Variants in NAP1L1 observed in about 807,000 individuals in gnomAD.
NAP1L1 encodes the protein nucleosome assembly protein 1 like 1, also known as nucleosome assembly protein 1-like 1.
Under a neutral mutation model 58.9 loss-of-function variants are expected in NAP1L1, and 9 were observed. That is an observed-to-expected ratio of 0.15 (90% confidence interval 0.09 to 0.27). NAP1L1 has a LOEUF of 0.27. Among genes scored for constraint, NAP1L1 ranks in the 10% least tolerant of loss-of-function variants. The probability of loss-of-function intolerance (pLI) is 1.00; values close to 1 mark genes in which losing one functional copy is unlikely to be tolerated. For synonymous variants in NAP1L1, 130 were observed against 138.3 expected (o/e 0.94, Z 0.42); for missense variants, 302 against 458.8 (o/e 0.66, Z 3.12).
At chr12:76,052,611 A>G (rs1289450282) in intron 11 of NAP1L1, among the ~76,000 whole-genome samples, 1 of 152,228 alleles carries the variant, frequency 6.6e-6, no homozygotes, top group Non-Finnish European at 1.5e-5. Context: ...CCTTGTGTGT[A>G]TAGACTTTCT....
At position 76,073,906 on chromosome 12, in the gene NAP1L1, T is replaced by C. The variant is rs145266277; in HGVS notation, c.17+297A>G. 1.4e-3 allele frequency: 400 copies of C among 279,284 alleles called. 1 individual carries two copies. Among genetic ancestry groups the C allele is most frequent in the African/African-American group, 8.1e-3 (368 of 45,262 alleles). 17.3% of individuals were successfully genotyped at this position (279,284 alleles called of 1,614,324 possible). A position where few individuals can be genotyped will look rare whatever the true frequency, so the allele number is the denominator to read the frequency against. ...AAGCAGTAAATCTTTGGGAAATATA[T>C]ACAATAAAAATGAATTCTGCAAGTA... On this transcript the variant is annotated intron_variant, in intron 2 of 14. Coordinates refer to ENST00000618691, the MANE Select transcript of NAP1L1 (RefSeq NM_004537.7).
At chr12:76,052,854 G>A (rs892688713) in intron 11 of NAP1L1, among the ~76,000 whole-genome samples, 1 of 152,090 alleles carries the variant, frequency 6.6e-6, no homozygotes, top group African/African-American at 2.4e-5. Context: ...ATCCCTCACA[G>A]CAATATGTGA....
intron 1 of NAP1L1, 129 bp from the exon 2 acceptor site, chr12:76,074,368 C>T: frequency 7.5e-7 from 1 of 1,339,554 alleles, no homozygotes; most frequent in South Asian, 2.1e-5. Flanking sequence ...CTTTAAAATA[C>T]TATCAGTGTT....
intron 6 of NAP1L1, chr12:76,056,712 C>T (rs1174791078): frequency 1.4e-5 from 6 of 443,434 alleles, no homozygotes; most frequent in African/African-American, 1.0e-4. Context: ...TATAATGAAT[C>T]TACAAACTAA....
Position 76,036,796 on chromosome 12 carries a change from G to A in NAP1L1, c.*11633C>T, listed in dbSNP as rs955756898. On this transcript the variant is annotated 3_prime_UTR_variant, in exon 15 of 15. Coordinates refer to ENST00000618691, the MANE Select transcript of NAP1L1 (RefSeq NM_004537.7). ...AGGGTATAAAAGATAACCAAGGCTG[G>A]GCGCGGTGGCTCACGCCTGTAATCC... The A allele has an allele frequency of 1.3e-5, 2 of 152,178 alleles. No individual in the cohort carries two copies. The highest frequency in any genetic ancestry group is 2.9e-5 in the Non-Finnish European group (2 of 68,040). The allele number at this position is 152,178 out of a possible 1,614,324, so 9.4% of individuals were successfully genotyped here.
rs1310849322 is a variant in NAP1L1 at position 76,057,923 on chromosome 12, A to C, written c.430-1762T>G. On this transcript the variant is annotated intron_variant, in intron 6 of 14. Transcript: ENST00000618691. ...TCCCAGAGCAAAGAAATATGTGACA[A>C]GGGTTGTGGCCTTGTAACTTTTGAA... is the stretch of plus-strand genomic sequence containing the variant. The C allele has an allele frequency of 8.7e-6, 10 of 1,152,254 alleles. No individual in the cohort carries two copies. The African/African-American group carries it at 1.1e-4, about 12-fold the overall frequency. 71.4% of individuals were successfully genotyped at this position (1,152,254 alleles called of 1,614,324 possible). A position where few individuals can be genotyped will look rare whatever the true frequency, so the allele number is the denominator to read the frequency against.
chr12:76,055,552 G>A (rs1005801052), intron 7 of NAP1L1, among the ~76,000 whole-genome samples: 4 of 152,204 alleles, frequency 2.6e-5, no homozygotes, highest in Non-Finnish European at 5.9e-5. Flanking sequence ...CTACTACAAT[G>A]TAGACGGTAG....
intron 2 of NAP1L1, 170 bp downstream of exon 2, chr12:76,074,033 C>A (rs986871786): frequency 2.3e-5 from 13 of 563,448 alleles, no homozygotes; most frequent in Admixed American, 1.5e-4. Context: ...TGCTAATGAT[C>A]ATATATTCTA....
At chr12:76,052,266 C>CA (rs546950800) in intron 11 of NAP1L1, among the ~76,000 whole-genome samples, 21 of 150,596 alleles carry the variant, frequency 1.4e-4, no homozygotes, top group East Asian at 3.9e-4. Context: ...AACAAACAAA[C>CA]AAAAAAAAAC....
In NAP1L1 at chr12:76,074,239, T is replaced by C. The variant is rs2137085256; in HGVS notation, c.-20A>G. On this transcript the variant is annotated splice_region_variant and 5_prime_UTR_variant, in exon 2 of 15. Coordinates refer to ENST00000618691, the MANE Select transcript of NAP1L1 (RefSeq NM_004537.7). Reference sequence around the variant, plus strand: ...TGCCATGTTGTAAGAACTCCAAATATCTATGGAGAGAAACATCAATGTTAA... The same window carrying C: ...TGCCATGTTGTAAGAACTCCAAATACCTATGGAGAGAAACATCAATGTTAA... 3 of 1,578,678 alleles carry C rather than the reference T, an allele frequency of 1.9e-6. No homozygotes were observed. Among genetic ancestry groups the C allele is most frequent in the African/African-American group, 1.4e-5 (1 of 72,786 alleles).
intron 7 of NAP1L1, 62 bp downstream of exon 7, chr12:76,055,971 G>T: frequency 6.5e-7 from 1 of 1,529,338 alleles, no homozygotes; most frequent in Non-Finnish European, 9.0e-7. Flanking sequence ...AGTGATCACA[G>T]CCATTTAAAC....
intron 3 of NAP1L1, 133 bp downstream of exon 3, chr12:76,068,776 A>T (rs1339162116): frequency 1.6e-6 from 1 of 639,976 alleles, no homozygotes; most frequent in Admixed American, 2.5e-5. Flanking sequence ...ACACACACAC[A>T]CACTAGAAGT....
At chr12:76,048,910 A>C in intron 14 of NAP1L1, 1 of 459,122 alleles carries the variant, frequency 2.2e-6, no homozygotes, top group Non-Finnish European at 3.8e-6. Context: ...TTATTTTCTA[A>C]TGCTTAAAAA....
chr12:76,069,806 A>AT (rs1949860581), intron 2 of NAP1L1, among the ~76,000 whole-genome samples: 1 of 151,954 alleles, frequency 6.6e-6, no homozygotes, highest in African/African-American at 2.4e-5. Flanking sequence ...ATAAGATAGC[A>AT]TCCTTCCCAT....
At chr12:76,055,213 G>A (rs1194910642) in intron 7 of NAP1L1, 123 bp from the exon 8 acceptor site, 3 of 593,460 alleles carry the variant, frequency 5.1e-6, no homozygotes, top group Admixed American at 3.4e-5. Flanking sequence ...TAGCAATTAT[G>A]AACCTTAAGA....
At chr12:76,049,351 A>G in intron 13 of NAP1L1, 101 bp from the exon 14 acceptor site, 1 of 1,592,488 alleles carries the variant, frequency 6.3e-7, no homozygotes, top group Non-Finnish European at 8.5e-7. Flanking sequence ...ACGGATCAAC[A>G]GATTTTCATG....
intron 9 of NAP1L1, 42 bp from the exon 10 acceptor site, chr12:76,053,392 T>C: frequency 6.3e-7 from 1 of 1,583,760 alleles, no homozygotes. Flanking sequence ...ATTGACAATC[T>C]TTCAACTGCT....
At chr12:76,084,479 G>A (rs1950538406) in intron 1 of NAP1L1, 88 bp downstream of exon 1, 3 of 152,606 alleles carry the variant, frequency 2.0e-5, no homozygotes, top group Admixed American at 2.0e-4. Context: ...CCGGCTCCCA[G>A]TCCCTCCATC....
At chr12:76,068,735 TACACACACACACACACACACAC>T (rs35120003) in intron 3 of NAP1L1, 152 bp downstream of exon 3, 13 of 293,294 alleles carry the variant, frequency 4.4e-5, no homozygotes, top group African/African-American at 2.0e-4. Context: ...ACCCGCCCCT[TACACACACACACACACACACAC>T]ACACACACAC....
Sources: allele counts gnomAD v4.1 joint callset (sites outside exome capture counted in the v4.1 genomes callset), GRCh38; gene constraint gnomAD v4.1.1; transcripts MANE v1.5; gene names NCBI Gene and HGNC (gene_info 2026-07-23, HGNC 2026-07-21).